The following CACNA1D variants were observed in gnomAD, a reference collection of about 807,000 sequenced individuals.
CACNA1D encodes calcium voltage-gated channel subunit alpha1 D.
In CACNA1D, 55 loss-of-function variants were observed where a neutral mutation model predicts 257.1. The observed-to-expected ratio is 0.21, with a 90% CI of 0.17 to 0.27. The LOEUF (loss-of-function observed/expected upper bound fraction) is 0.27, where lower values mean the gene tolerates loss of function less well. CACNA1D is among the 10% of genes least tolerant of loss of function. The pLI, the probability that CACNA1D is intolerant of heterozygous loss-of-function variation, is 1.00. For missense variants in CACNA1D, 1,876 were observed against 2,784.0 expected (o/e 0.67, Z 7.34); for synonymous variants, 980 against 1,014.9 (o/e 0.97, Z 0.65).
intron 3 of CACNA1D, among the ~76,000 whole-genome samples, chr3:53,615,698 G>A (rs1014206494): frequency 6.6e-6 from 1 of 152,348 alleles, no homozygotes. Context: ...TGTGAGAGAG[G>A]CTGCACCATA....
In CACNA1D at chr3:53,749,359, A is replaced by G; in HGVS notation, c.3406A>G (p.Ile1136Val). The change falls in exon 27 of 48, where the codon ATC becomes GTC. Residue 1136 changes from isoleucine (I) to valine (V), a missense_variant. Coordinates refer to ENST00000350061, the MANE Select transcript of CACNA1D (RefSeq NM_001128840.3). ...GATCTCCATCTTCTTCATCATCTAC[A>G]TCATCATTGTAGCTTTCTTCATGAT... The part of the protein sequence containing the change: ...VEISIFFIIY[I>V]IIVAFFMMNI... The G allele has an allele frequency of 1.9e-6, 3 of 1,612,002 alleles. No individual in the cohort carries two copies. Among genetic ancestry groups the G allele is most frequent in the Non-Finnish European group, 1.7e-6 (2 of 1,178,106 alleles).
chr3:53,586,823 A>G (rs983871963), intron 3 of CACNA1D, among the ~76,000 whole-genome samples: 4 of 152,212 alleles, frequency 2.6e-5, no homozygotes, highest in African/African-American at 9.6e-5. Context: ...CAAGACAGGC[A>G]TCGTGTTGAA....
chr3:53,648,094 C>T (rs1443578832), intron 3 of CACNA1D, among the ~76,000 whole-genome samples: 2 of 152,186 alleles, frequency 1.3e-5, no homozygotes, highest in African/African-American at 4.8e-5. Context: ...GGGAGGTGTA[C>T]TGTCTGTTCT....
Position 53,621,394 on chromosome 3 carries a change from T to G in CACNA1D, c.484-29385T>G, listed in dbSNP as rs138333205. The stretch of plus-strand genomic sequence containing the variant: ...AGCCAGCCCTGGCTGTTTTTCCAGC[T>G]TTTCCTTATGCCAATAGTAAGATTA... On this transcript the variant is annotated intron_variant, in intron 3 of 47. Transcript: ENST00000350061. 4.2e-3 allele frequency among the ~76,000 whole-genome samples: 639 copies of G among 152,258 alleles called. 8 individuals are homozygous for G. The highest frequency in any genetic ancestry group is 0.015 in the African/African-American group (616 of 41,536).
chr3:53,776,277 A>G (rs2095396581), intron 35 of CACNA1D, among the ~76,000 whole-genome samples: 1 of 152,166 alleles, frequency 6.6e-6, no homozygotes, highest in Non-Finnish European at 1.5e-5. Context: ...ATTACCAATC[A>G]CCTTAGCTTC....
At chr3:53,505,333 T>C (rs1046867230) in intron 3 of CACNA1D, among the ~76,000 whole-genome samples, 3 of 151,926 alleles carry the variant, frequency 2.0e-5, no homozygotes, top group Admixed American at 2.0e-4. Context: ...ATGGTCTCAA[T>C]CTCCTGACCT....
chr3:53,750,665 G>A (rs540189502), intron 27 of CACNA1D, among the ~76,000 whole-genome samples: 2 of 152,308 alleles, frequency 1.3e-5, no homozygotes, highest in South Asian at 4.1e-4. Flanking sequence ...GCAAGGCCAG[G>A]CCAGCCACGC....
At position 53,808,708 on chromosome 3, in the gene CACNA1D, G is replaced by A; in HGVS notation, c.5809G>A (p.Val1937Ile). The A allele has an allele frequency of 1.9e-6, 3 of 1,609,416 alleles. No individual in the cohort carries two copies. Among genetic ancestry groups the A allele is most frequent in the Non-Finnish European group, 2.5e-6 (3 of 1,179,988 alleles). The stretch of plus-strand genomic sequence containing the variant: ...GCGCCGGCAGAGCAGCCAGGAAGAG[G>A]TCCCGTCGTCTCCCATCTTCCCCCA... ...CLRRQSSQEE[V>I]PSSPIFPHRT... is the part of the protein sequence containing the mutation. Residue 1937 changes from valine to isoleucine, a missense_variant, in exon 46 of 48, where the codon GTC (valine) becomes ATC (isoleucine). Physicochemically the swap from Val to Ile is conservative, Grantham distance 29. Transcript: ENST00000350061.
At chr3:53,598,981 T>C (rs2093407249) in intron 3 of CACNA1D, among the ~76,000 whole-genome samples, 1 of 149,638 alleles carries the variant, frequency 6.7e-6, no homozygotes. Flanking sequence ...TAAGTAAGTT[T>C]TGGTGGAACA....
chr3:53,595,691 C>T (rs575090071), intron 3 of CACNA1D, among the ~76,000 whole-genome samples: 3 of 152,220 alleles, frequency 2.0e-5, no homozygotes, highest in Admixed American at 6.5e-5. Flanking sequence ...CCTGACCTAA[C>T]TCGGTTTGTC....
chr3:53,785,200 C>T (rs2095446392), intron 39 of CACNA1D, among the ~76,000 whole-genome samples: 2 of 152,172 alleles, frequency 1.3e-5, no homozygotes, highest in South Asian at 4.1e-4. Context: ...CTCTGCTCAC[C>T]TCCTGCCTTC....
intron 3 of CACNA1D, among the ~76,000 whole-genome samples, chr3:53,594,082 G>A (rs2107825047): frequency 6.6e-6 from 1 of 152,364 alleles, no homozygotes; most frequent in African/African-American, 2.4e-5. Flanking sequence ...AGTCTGTGAG[G>A]TAGGGAGTGT....
intron 29 of CACNA1D, among the ~76,000 whole-genome samples, chr3:53,758,132 G>T (rs1361388498): frequency 6.6e-6 from 1 of 152,168 alleles, no homozygotes; most frequent in African/African-American, 2.4e-5. Flanking sequence ...CTTTTCTGTC[G>T]CAGGGTATCT....
intron 8 of CACNA1D, among the ~76,000 whole-genome samples, chr3:53,691,423 A>C (rs2094518239): frequency 6.6e-6 from 1 of 151,864 alleles, no homozygotes; most frequent in African/African-American, 2.4e-5. Flanking sequence ...CTCTTAAAAC[A>C]TGTTTAAGTT....
chr3:53,539,634 G>A (rs907255552), intron 3 of CACNA1D, among the ~76,000 whole-genome samples: 1 of 152,194 alleles, frequency 6.6e-6, no homozygotes, highest in Admixed American at 6.5e-5. Context: ...TATATACATA[G>A]AAGTCGAATT....
In CACNA1D at chr3:53,551,846, C is replaced by T. The variant is rs142624865; in HGVS notation, c.483+50126C>T. On this transcript the variant is annotated intron_variant, in intron 3 of 47. Transcript: ENST00000350061. ...ACTTGTGTGGGTGGCTGTGTCATTT[C>T]TGTGCAGCAGCTGATGGTGAGGTCT... Among the ~76,000 whole-genome samples, 247 of 152,302 alleles carry T rather than the reference C, an allele frequency of 1.6e-3. 1 individual carries two copies. Among genetic ancestry groups the T allele is most frequent in the African/African-American group, 5.4e-3 (224 of 41,564 alleles).
intron 15 of CACNA1D, among the ~76,000 whole-genome samples, chr3:53,729,925 A>G (rs148091537): frequency 2.0e-5 from 3 of 152,244 alleles, no homozygotes; most frequent in Non-Finnish European, 4.4e-5. Flanking sequence ...GGTTATTTCA[A>G]AGGAGAAAGT....
chr3:53,649,122 G>C (rs1372777228), intron 3 of CACNA1D, among the ~76,000 whole-genome samples: 1 of 152,188 alleles, frequency 6.6e-6, no homozygotes, highest in Non-Finnish European at 1.5e-5. Flanking sequence ...AGCGATTCTG[G>C]CAGCAGACAG....
At chr3:53,532,692 G>A (rs998091716) in intron 3 of CACNA1D, among the ~76,000 whole-genome samples, 6 of 152,080 alleles carry the variant, frequency 3.9e-5, no homozygotes, top group African/African-American at 1.2e-4. Context: ...TTTTTGATGC[G>A]TTTTTTCAAA....
Sources: allele counts gnomAD v4.1 joint callset (sites outside exome capture counted in the v4.1 genomes callset), GRCh38; gene constraint gnomAD v4.1.1; transcripts MANE v1.5; gene names NCBI Gene and HGNC (gene_info 2026-07-23, HGNC 2026-07-21).